Variants in MRPL35 observed in about 807,000 individuals in gnomAD.
MRPL35 encodes large ribosomal subunit protein bL35m.
In MRPL35, 18 loss-of-function variants were observed where a neutral mutation model predicts 21.6. That is an observed-to-expected ratio of 0.83 (90% CI 0.58 to 1.24). The LOEUF (loss-of-function observed/expected upper bound fraction) is 1.24, where lower values mean the gene tolerates loss of function less well. MRPL35 is among the 50% of genes most tolerant of loss of function. MRPL35 has a pLI of 0.00. For missense variants in MRPL35, 223 were observed against 223.2 expected, an observed-to-expected ratio of 1.00 and a Z score of 0.01; for synonymous variants, 87 against 86.9, an observed-to-expected ratio of 1.00 and a Z score of -0.01.
intron 3 of MRPL35, among the ~76,000 whole-genome samples, chr2:86,208,098 T>G (rs1335429254): frequency 6.6e-6 from 1 of 152,168 alleles, no homozygotes; most frequent in Admixed American, 6.5e-5. Flanking sequence ...ATTCTCCCGT[T>G]TTATAAACAG....
rs752749762 is a variant in MRPL35 at position 86,199,494 on chromosome 2, G to A, written c.4G>A (p.Ala2Thr). MAASAFAGAVRA... is the reference protein window; with the variant it reads MTASAFAGAVRA... ...GCCGCCGTAGGCGAAGGTGAAGATG[G>A]CTGCCTCTGCCTTTGCTGGTGCAGT... Residue 2 changes from alanine to threonine, a missense_variant, in exon 1 of 4, where the codon GCT becomes ACT. Coordinates refer to ENST00000337109, the MANE Select transcript of MRPL35 (RefSeq NM_016622.4). The A allele has an allele frequency of 2.5e-6, 4 of 1,614,124 alleles. No individual in the cohort carries two copies. In the Admixed American group the frequency reaches 5.0e-5, roughly 20 times the overall value.
chr2:86,213,545 G>C lies in MRPL35; in HGVS notation c.*2877G>C, dbSNP rs1013073764. 88 of 1,479,340 alleles carry C rather than the reference G, an allele frequency of 5.9e-5. No homozygotes were observed. Among genetic ancestry groups the C allele is most frequent in the Non-Finnish European group, 7.8e-5 (86 of 1,106,808 alleles). 91.6% of individuals were successfully genotyped at this position (1,479,340 alleles called of 1,614,324 possible). ...TCTTTGTGGCCACCCAATGAAGTTT[G>C]AGTCTGCCTGTTCAGATGTGAAAGG... On this transcript the variant is annotated 3_prime_UTR_variant, in exon 4 of 4. Transcript: ENST00000337109.
At chr2:86,200,095 C>T (rs1673658232) in intron 1 of MRPL35, among the ~76,000 whole-genome samples, 1 of 152,122 alleles carries the variant, frequency 6.6e-6, no homozygotes, top group African/African-American at 2.4e-5. Context: ...GTAAAGGCGA[C>T]TAAATTAAGT....
Position 86,211,804 on chromosome 2 carries a change from T to G in MRPL35, c.*1136T>G, listed in dbSNP as rs1310102395. 3 of 985,250 alleles carry G rather than the reference T, an allele frequency of 3.0e-6. No homozygotes were observed. The East Asian group carries it at 3.4e-4, about 111-fold the overall frequency. The allele number at this position is 985,250 out of a possible 1,614,324, so 61.0% of individuals were successfully genotyped here. Reference sequence around the variant, plus strand: ...TGCCTCAGCTTACTGAGTAAGGATATGTATTTCTTAAAAGTTAGTTTATCC... The same window carrying G: ...TGCCTCAGCTTACTGAGTAAGGATAGGTATTTCTTAAAAGTTAGTTTATCC... On this transcript the variant is annotated 3_prime_UTR_variant, in exon 4 of 4. Coordinates refer to ENST00000337109, the MANE Select transcript of MRPL35 (RefSeq NM_016622.4).
At chr2:86,202,545 T>A (rs1262205898) in intron 1 of MRPL35, among the ~76,000 whole-genome samples, 1 of 152,220 alleles carries the variant, frequency 6.6e-6, no homozygotes, top group Non-Finnish European at 1.5e-5. Context: ...ATGCACTTAA[T>A]CTTCCAAAGA....
chr2:86,203,584 T>C (rs1673734035), intron 1 of MRPL35, among the ~76,000 whole-genome samples: 1 of 152,222 alleles, frequency 6.6e-6, no homozygotes, highest in Non-Finnish European at 1.5e-5. Context: ...TTAAAAAATC[T>C]AAAATACTTC....
rs1673788479 is a variant in MRPL35 at position 86,206,277 on chromosome 2, C to T, written c.215C>T (p.Thr72Ile). Residue 72 changes from threonine to isoleucine, a missense_variant, in exon 2 of 4, where the codon ACC becomes ATC. Coordinates refer to ENST00000337109, the MANE Select transcript of MRPL35 (RefSeq NM_016622.4). ...TSERNLTCGH[T>I]SVILNRMAPV... is the part of the protein sequence containing the mutation. ...GAGAGAAACCTGACATGTGGGCATA[C>T]CTCAGTGATCCTTAATAGGTAGAGT... 1 of 1,612,736 alleles carries T rather than the reference C, an allele frequency of 6.2e-7. No individual in the cohort carries two copies. Among genetic ancestry groups the T allele is most frequent in the Non-Finnish European group, 8.5e-7 (1 of 1,179,190 alleles).
intron 2 of MRPL35, 123 bp from the exon 3 acceptor site, chr2:86,207,060 T>C: frequency 1.1e-6 from 1 of 931,044 alleles, no homozygotes; most frequent in Non-Finnish European, 1.6e-6. Flanking sequence ...GGAAGTAATA[T>C]TGTATATGAA....
At position 86,211,593 on chromosome 2, in the gene MRPL35, C is replaced by T; in HGVS notation, c.*925C>T. 1.0e-6 allele frequency: 1 copy of T among 985,438 alleles called. No homozygotes were observed. The highest frequency in any genetic ancestry group is 1.2e-6 in the Non-Finnish European group (1 of 829,936). The allele number at this position is 985,438 out of a possible 1,614,324, so 61.0% of individuals were successfully genotyped here. ...TTTCATAGGAGAGTAAATAGCCCTT[C>T]AGCATGCTCATTCATGAAACAGAAG... On this transcript the variant is annotated 3_prime_UTR_variant, in exon 4 of 4. Coordinates refer to ENST00000337109, the MANE Select transcript of MRPL35 (RefSeq NM_016622.4).
chr2:86,210,016 C>CA (rs919383832), intron 3 of MRPL35, among the ~76,000 whole-genome samples: 1 of 151,872 alleles, frequency 6.6e-6, no homozygotes, highest in Non-Finnish European at 1.5e-5. Context: ...CAAAATGAAA[C>CA]AAAAAAAGAA....
In MRPL35 at chr2:86,212,812, A is replaced by G; in HGVS notation, c.*2144A>G. 1 of 1,026,798 alleles carries G rather than the reference A, an allele frequency of 9.7e-7. No individual in the cohort carries two copies. Among genetic ancestry groups the G allele is most frequent in the Non-Finnish European group, 1.2e-6 (1 of 857,154 alleles). The allele number at this position is 1,026,798 out of a possible 1,614,324, so 63.6% of individuals were successfully genotyped here. A position where few individuals can be genotyped will look rare whatever the true frequency, so the allele number is the denominator to read the frequency against. ...ATCAACACTGATTTTATAATCTGAC[A>G]ATAAATGTCTTTCATTAAAGAGTTT... On this transcript the variant is annotated 3_prime_UTR_variant, in exon 4 of 4. Coordinates refer to ENST00000337109, the MANE Select transcript of MRPL35 (RefSeq NM_016622.4).
intron 1 of MRPL35, among the ~76,000 whole-genome samples, chr2:86,204,995 T>C (rs1673762863): frequency 6.6e-6 from 1 of 152,194 alleles, no homozygotes; most frequent in Admixed American, 6.5e-5. Flanking sequence ...TCCTAACACT[T>C]TGGGAGGCTG....
Position 86,212,282 on chromosome 2 carries a change from T to C in MRPL35, c.*1614T>C. ...AAAAGGAGAAAGGATAACAATAGAA[T>C]GTTCTAAAACCAGAAGTCCAAGTGC... On this transcript the variant is annotated 3_prime_UTR_variant, in exon 4 of 4. Coordinates refer to ENST00000337109, the MANE Select transcript of MRPL35 (RefSeq NM_016622.4). 1 of 1,472,574 alleles carries C rather than the reference T, an allele frequency of 6.8e-7. No homozygotes were observed. Among genetic ancestry groups the C allele is most frequent in the South Asian group, 1.4e-5 (1 of 69,420 alleles). 91.2% of individuals were successfully genotyped at this position (1,472,574 alleles called of 1,614,324 possible).
chr2:86,210,300 C>A (rs1466133404), intron 3 of MRPL35, among the ~76,000 whole-genome samples, 180 bp from the exon 4 acceptor site: 1 of 142,848 alleles, frequency 7.0e-6, no homozygotes, highest in African/African-American at 2.5e-5. Flanking sequence ...CTTTCTCCAT[C>A]CCCCTCCCCG....
intron 1 of MRPL35, 32 bp downstream of exon 1, chr2:86,199,565 CT>C: frequency 6.2e-7 from 1 of 1,613,590 alleles, no homozygotes; most frequent in Admixed American, 1.7e-5. Context: ...CCATGCATGC[CT>C]TCACAGAAGG....
intron 1 of MRPL35, among the ~76,000 whole-genome samples, chr2:86,204,423 T>G (rs1183436105): frequency 8.6e-6 from 1 of 116,804 alleles, no homozygotes; most frequent in Non-Finnish European, 2.0e-5. Flanking sequence ...TAGGACTTTT[T>G]TTTTTTTTTT....
chr2:86,210,989 C>T lies in MRPL35; in HGVS notation c.*321C>T, dbSNP rs1410439822. On this transcript the variant is annotated 3_prime_UTR_variant, in exon 4 of 4. Coordinates refer to ENST00000337109, the MANE Select transcript of MRPL35 (RefSeq NM_016622.4). ...AAGACTCAAAAGCTACAAGTTAGCT[C>T]AAGCAATGTGACATTATTTCAAGGA... 5 of 1,008,082 alleles carry T rather than the reference C, an allele frequency of 5.0e-6. No homozygotes were observed. The highest frequency in any genetic ancestry group is 1.7e-5 in the African/African-American group (1 of 58,072). 62.4% of individuals were successfully genotyped at this position (1,008,082 alleles called of 1,614,324 possible).
chr2:86,211,470 TTTCACTTGGAGG>T lies in MRPL35; in HGVS notation c.*808_*819del. On this transcript the variant is annotated 3_prime_UTR_variant, in exon 4 of 4. Transcript: ENST00000337109. ...AGCAAAAAAACAGTTATGTGAGCAG[TTTCACTTGGAGG>T]TTCACATGGGGTGGCAGCACACTTA... The T allele has an allele frequency of 1.0e-6, 1 of 985,414 alleles. No homozygotes were observed. Among genetic ancestry groups the T allele is most frequent in the African/African-American group, 1.7e-5 (1 of 57,336 alleles). The allele number at this position is 985,414 out of a possible 1,614,324, so 61.0% of individuals were successfully genotyped here.
At position 86,206,292 on chromosome 2, in the gene MRPL35, A is replaced by G; in HGVS notation, c.230A>G (p.Asn77Ser). Reference sequence around the variant, plus strand: ...TGTGGGCATACCTCAGTGATCCTTAATAGGTAGAGTATATTTCTTTGTGGG... The same window carrying G: ...TGTGGGCATACCTCAGTGATCCTTAGTAGGTAGAGTATATTTCTTTGTGGG... ...LTCGHTSVILNRMAPVLPSVL... is the reference protein window; with the variant it reads ...LTCGHTSVILSRMAPVLPSVL... Residue 77 changes from asparagine to serine, a missense_variant, in exon 2 of 4, where the codon AAT (asparagine) becomes AGT (serine). Transcript: ENST00000337109. 6.2e-7 allele frequency: 1 copy of G among 1,607,912 alleles called. No individual in the cohort carries two copies. The highest frequency in any genetic ancestry group is 8.5e-7 in the Non-Finnish European group (1 of 1,177,206).
Sources: allele counts gnomAD v4.1 joint callset (sites outside exome capture counted in the v4.1 genomes callset), GRCh38; gene constraint gnomAD v4.1.1; transcripts MANE v1.5; gene names NCBI Gene and HGNC (gene_info 2026-07-23, HGNC 2026-07-21).